Variants in JARID2 observed in about 807,000 individuals in gnomAD.
The protein encoded by JARID2 is protein Jumonji.
A neutral mutation model predicts 125.6 loss-of-function variants in JARID2; 21 were observed. The ratio of observed to expected loss-of-function variants is 0.17; its 90% CI spans 0.12 to 0.24. The LOEUF is 0.24. Among genes scored for constraint, JARID2 ranks in the 10% least tolerant of loss-of-function variants. The pLI, the probability that JARID2 is intolerant of heterozygous loss-of-function variation, is 1.00. For synonymous variants in JARID2, 736 were observed against 661.6 expected, an observed-to-expected ratio of 1.11 and a Z score of -1.73; for missense variants, 1,303 against 1,639.6, an observed-to-expected ratio of 0.79 and a Z score of 3.55.
At chr6:15,406,864 A>G (rs750120620) in intron 2 of JARID2, among the ~76,000 whole-genome samples, 3 of 151,828 alleles carry the variant, frequency 2.0e-5, no homozygotes, top group Admixed American at 6.6e-5. Context: ...ATTTTTTCCA[A>G]CCTGTTAACT....
intron 1 of JARID2, among the ~76,000 whole-genome samples, chr6:15,340,588 T>C (rs1763034296): frequency 2.0e-5 from 3 of 152,216 alleles, no homozygotes; most frequent in Admixed American, 6.5e-5. Flanking sequence ...TGAGGTGATA[T>C]ATATGAAACA....
At chr6:15,266,618 C>T (rs1305082990) in intron 1 of JARID2, among the ~76,000 whole-genome samples, 1 of 152,202 alleles carries the variant, frequency 6.6e-6, no homozygotes, top group Non-Finnish European at 1.5e-5. Flanking sequence ...AATCTTTCAT[C>T]AAAGTTTCTT....
At chr6:15,448,793 CTCGAGACCTGGCCA>C (rs375587407) in intron 3 of JARID2, among the ~76,000 whole-genome samples, 148 of 152,152 alleles carry the variant, frequency 9.7e-4, no homozygotes, top group Middle Eastern at 6.8e-3. Context: ...ACACTGTGTG[CTCGAGACCTGGCCA>C]TCACCAGGTG....
intron 1 of JARID2, among the ~76,000 whole-genome samples, chr6:15,276,765 G>A (rs1435111312): frequency 6.6e-6 from 1 of 152,172 alleles, no homozygotes; most frequent in East Asian, 1.9e-4. Flanking sequence ...CCTGGTCCTT[G>A]GAGGAGAGGT....
intron 17 of JARID2, 111 bp from the exon 18 acceptor site, chr6:15,519,958 G>A: frequency 1.4e-6 from 1 of 733,808 alleles, no homozygotes; most frequent in Admixed American, 3.3e-5. Context: ...TGGTTGGTGT[G>A]GTGAAGGGGA....
At chr6:15,306,590 G>A (rs1180448194) in intron 1 of JARID2, among the ~76,000 whole-genome samples, 1 of 151,566 alleles carries the variant, frequency 6.6e-6, no homozygotes, top group Non-Finnish European at 1.5e-5. Context: ...CGCCCGCCTC[G>A]GCCTCCCAAA....
intron 3 of JARID2, among the ~76,000 whole-genome samples, chr6:15,421,251 T>C (rs546044694): frequency 6.6e-6 from 1 of 152,252 alleles, no homozygotes; most frequent in East Asian, 1.9e-4. Flanking sequence ...GGATTTTTAG[T>C]TCTTTCAGAC....
chr6:15,511,289 G>A lies in JARID2; in HGVS notation c.2847-7G>A, dbSNP rs1000437567. ...CTGCTTGTCTCTTGTGTCTCTCAATGACCCAGGTATTGCATTCCTGCTGAG... is the reference window on the plus strand; with the variant it reads ...CTGCTTGTCTCTTGTGTCTCTCAATAACCCAGGTATTGCATTCCTGCTGAG... On this transcript the variant is annotated splice_polypyrimidine_tract_variant and splice_region_variant and intron_variant, in intron 12 of 17. Transcript: ENST00000341776. 3 of 1,600,336 alleles carry A rather than the reference G, an allele frequency of 1.9e-6. No homozygotes were observed. Among genetic ancestry groups the A allele is most frequent in the Non-Finnish European group, 2.6e-6 (3 of 1,167,574 alleles).
chr6:15,429,175 T>C (rs1021635778), intron 3 of JARID2, among the ~76,000 whole-genome samples: 1 of 152,186 alleles, frequency 6.6e-6, no homozygotes, highest in Non-Finnish European at 1.5e-5. Context: ...GAGTATCTGC[T>C]GTGGAATAAC....
intron 6 of JARID2, among the ~76,000 whole-genome samples, chr6:15,487,919 G>A (rs796255877): frequency 6.6e-6 from 1 of 150,732 alleles, no homozygotes; most frequent in African/African-American, 2.4e-5. Context: ...GTTAATGGAT[G>A]ATCCTGGTCT....
intron 3 of JARID2, among the ~76,000 whole-genome samples, chr6:15,428,780 C>T (rs62395391): frequency 0.077 from 11,647 of 152,030 alleles, 440 homozygotes; most frequent in East Asian, 0.093. Context: ...GTGGCACACA[C>T]GTGTAATCCC....
intron 2 of JARID2, among the ~76,000 whole-genome samples, chr6:15,407,148 G>A (rs1765683319): frequency 6.6e-6 from 1 of 152,086 alleles, no homozygotes; most frequent in African/African-American, 2.4e-5. Flanking sequence ...TGTAGTCCCA[G>A]CCATTCGGGA....
At chr6:15,477,599 C>T (rs1254518007) in intron 5 of JARID2, among the ~76,000 whole-genome samples, 10 of 149,366 alleles carry the variant, frequency 6.7e-5, no homozygotes, top group East Asian at 2.0e-4. Flanking sequence ...GCATTTGGGG[C>T]GGTGTTCCTT....
At chr6:15,512,440 T>C in intron 14 of JARID2, 50 bp downstream of exon 14, 4 of 1,562,376 alleles carry the variant, frequency 2.6e-6, no homozygotes, top group Non-Finnish European at 2.6e-6. Context: ...TCCCTGTGAG[T>C]GCCGTGCGTG....
chr6:15,334,377 A>G (rs937599102), intron 1 of JARID2, among the ~76,000 whole-genome samples: 3 of 151,964 alleles, frequency 2.0e-5, no homozygotes, highest in African/African-American at 7.3e-5. Context: ...ATGCTTCCTT[A>G]TAATTCTGTT....
intron 2 of JARID2, among the ~76,000 whole-genome samples, chr6:15,382,375 G>C (rs68117211): frequency 1.3e-5 from 2 of 152,260 alleles, no homozygotes; most frequent in African/African-American, 2.4e-5. Flanking sequence ...GTATATCCAT[G>C]AGCCTTGCAA....
intron 1 of JARID2, among the ~76,000 whole-genome samples, chr6:15,251,535 G>A (rs1040590270): frequency 2.0e-5 from 3 of 152,154 alleles, no homozygotes; most frequent in African/African-American, 7.2e-5. Flanking sequence ...TGATATCCCA[G>A]GATACAGGTC....
At chr6:15,503,768 A>T (rs115977246) in intron 8 of JARID2, among the ~76,000 whole-genome samples, 1 of 152,226 alleles carries the variant, frequency 6.6e-6, no homozygotes, top group Non-Finnish European at 1.5e-5. Context: ...AGGGTCTTAG[A>T]TGGATTCCCT....
At chr6:15,467,288 C>A (rs1768785878) in intron 4 of JARID2, among the ~76,000 whole-genome samples, 3 of 152,066 alleles carry the variant, frequency 2.0e-5, no homozygotes, top group Non-Finnish European at 4.4e-5. Context: ...TTTGAGATCT[C>A]TATTTAGGTA....
Sources: gnomAD v4.1 joint callset for allele counts (sites outside exome capture counted in the v4.1 genomes callset) on GRCh38, gnomAD v4.1.1 for gene constraint, MANE v1.5 for transcripts, NCBI Gene and HGNC (gene_info 2026-07-23, HGNC 2026-07-21) for gene names.